The following NLK variants were observed in gnomAD, a reference collection of about 807,000 sequenced individuals.
NLK encodes the protein nemo like kinase, also known as serine/threonine-protein kinase NLK.
In NLK, 11 loss-of-function variants were observed where a neutral mutation model predicts 59.0. That is an observed-to-expected ratio of 0.19 (90% CI 0.12 to 0.31). The LOEUF (loss-of-function observed/expected upper bound fraction) is 0.31, where lower values mean the gene tolerates loss of function less well. Ranked by LOEUF, NLK falls within the 10% of genes least tolerant of loss-of-function variation. The pLI is 1.00. For synonymous variants in NLK, 235 were observed against 235.9 expected, an observed-to-expected ratio of 1.00 and a Z score of 0.03; for missense variants, 410 against 661.1, an observed-to-expected ratio of 0.62 and a Z score of 4.16.
chr17:28,196,814 A>T (rs1348229639), downstream of NLK, among the ~76,000 whole-genome samples: 1 of 152,200 alleles, frequency 6.6e-6, no homozygotes, highest in Non-Finnish European at 1.5e-5. Context: ...GCTAAGGAAG[A>T]AGTCCCAGCC....
intron 1 of NLK, among the ~76,000 whole-genome samples, chr17:28,085,459 G>A (rs1223206062): frequency 1.3e-5 from 2 of 152,192 alleles, no homozygotes; most frequent in Non-Finnish European, 2.9e-5. Context: ...AGAGCTGAAG[G>A]CTGGGCATGG....
intron 1 of NLK, among the ~76,000 whole-genome samples, chr17:28,109,625 T>A (rs1302491711): frequency 6.6e-6 from 1 of 152,224 alleles, no homozygotes; most frequent in Non-Finnish European, 1.5e-5. Context: ...TAGTCTTTTG[T>A]GTTTGGCTTC....
intron 1 of NLK, among the ~76,000 whole-genome samples, chr17:28,063,312 T>C (rs1226427604): frequency 6.6e-6 from 1 of 152,324 alleles, no homozygotes; most frequent in African/African-American, 2.4e-5. Context: ...GAGAACATCT[T>C]AACCTCAAAT....
chr17:28,117,564 C>A (rs1251934792), intron 1 of NLK, among the ~76,000 whole-genome samples: 1 of 152,110 alleles, frequency 6.6e-6, no homozygotes, highest in African/African-American at 2.4e-5. Context: ...TTAACTCTTT[C>A]AGTCAAATAT....
chr17:28,137,484 A>G (rs181564125), intron 3 of NLK, among the ~76,000 whole-genome samples: 3 of 152,278 alleles, frequency 2.0e-5, no homozygotes, highest in East Asian at 3.9e-4. Context: ...TGGGATATAT[A>G]TCACATATTC....
chr17:28,076,549 A>C (rs1910164125), intron 1 of NLK, among the ~76,000 whole-genome samples: 1 of 152,224 alleles, frequency 6.6e-6, no homozygotes, highest in African/African-American at 2.4e-5. Context: ...ATTCAGTCCA[A>C]AGCAGTTCCT....
rs962943672 is a variant in NLK, at chr17:28,056,742, C to G, written c.458+13411C>G. On this transcript the variant is annotated intron_variant, in intron 1 of 10. Transcript: ENST00000407008. ...CATTCTTCCACCTATTTTTTGAAAA[C>G]TTTTAAACCTCAGGAAATTTGAAAG... Among the ~76,000 whole-genome samples the G allele has an allele frequency of 3.3e-5, 5 of 152,020 alleles. 1 individual carries two copies. Among genetic ancestry groups the G allele is most frequent in the Admixed American group, 1.3e-4 (2 of 15,254 alleles).
At chr17:28,169,141 C>T (rs1908361283) in intron 6 of NLK, among the ~76,000 whole-genome samples, 1 of 152,180 alleles carries the variant, frequency 6.6e-6, no homozygotes, top group Non-Finnish European at 1.5e-5. Flanking sequence ...CTGCCTCAGC[C>T]TCCCAAAGTG....
At chr17:28,169,889 C>T (rs1335327358) in intron 6 of NLK, among the ~76,000 whole-genome samples, 1 of 151,974 alleles carries the variant, frequency 6.6e-6, no homozygotes, top group Non-Finnish European at 1.5e-5. Flanking sequence ...AATAAGACAG[C>T]ATTGTTCTTA....
chr17:28,144,925 T>C (rs1187308987), intron 3 of NLK, among the ~76,000 whole-genome samples: 1 of 152,224 alleles, frequency 6.6e-6, no homozygotes, highest in Non-Finnish European at 1.5e-5. Flanking sequence ...CTCAGGAAAC[T>C]TAATAGACCT....
chr17:28,163,580 A>G lies in NLK; in HGVS notation c.789A>G (p.Arg263=), dbSNP rs1172822557. The change falls in exon 5 of 11, where the codon CGA becomes CGG. Residue 263 remains arginine, a synonymous_variant. Coordinates refer to ENST00000407008, the MANE Select transcript of NLK (RefSeq NM_016231.5). The part of the protein sequence containing the change: ...KYLHSAGILH[R]DIKPGNLLVN... Reference sequence around the variant, plus strand: ...TCCATTCAGCTGGCATTTTACATCGAGACATTAAGCCAGGGAATCTCCTTG... The same window carrying G: ...TCCATTCAGCTGGCATTTTACATCGGGACATTAAGCCAGGGAATCTCCTTG... The G allele has an allele frequency of 6.2e-7, 1 of 1,609,326 alleles. No individual in the cohort carries two copies. Among genetic ancestry groups the G allele is most frequent in the South Asian group, 1.1e-5 (1 of 90,332 alleles).
chr17:28,101,053 T>A (rs1436564346), intron 1 of NLK, among the ~76,000 whole-genome samples: 2 of 152,212 alleles, frequency 1.3e-5, no homozygotes, highest in Non-Finnish European at 2.9e-5. Flanking sequence ...TTTTGTTCTG[T>A]TGAATTACCT....
At chr17:28,060,661 C>T (rs989320545) in intron 1 of NLK, among the ~76,000 whole-genome samples, 10 of 152,116 alleles carry the variant, frequency 6.6e-5, no homozygotes, top group Non-Finnish European at 2.9e-5. Context: ...AGAAGAAATA[C>T]AAATTGTTAA....
chr17:28,077,929 GCTT>G (rs1910221852), intron 1 of NLK, among the ~76,000 whole-genome samples: 1 of 152,072 alleles, frequency 6.6e-6, no homozygotes, highest in African/African-American at 2.4e-5. Flanking sequence ...AGAAAGTTCT[GCTT>G]CTTTCTCAAG....
At chr17:28,112,101 A>G (rs1418850604) in intron 1 of NLK, among the ~76,000 whole-genome samples, 1 of 152,068 alleles carries the variant, frequency 6.6e-6, no homozygotes, top group Non-Finnish European at 1.5e-5. Context: ...ATATTCAGCC[A>G]TCAGTTAGCC....
chr17:28,122,965 T>G (rs553020969), intron 2 of NLK, among the ~76,000 whole-genome samples: 43 of 152,312 alleles, frequency 2.8e-4, no homozygotes, highest in African/African-American at 1.0e-3. Flanking sequence ...CACACACGTT[T>G]TCTAAGCTGT....
At chr17:28,160,974 G>A (rs1316201271) in intron 3 of NLK, among the ~76,000 whole-genome samples, 186 bp from the exon 4 acceptor site, 1 of 152,170 alleles carries the variant, frequency 6.6e-6, no homozygotes, top group African/African-American at 2.4e-5. Context: ...TTTTAAACAT[G>A]TAAGTTCTTT....
intron 1 of NLK, among the ~76,000 whole-genome samples, chr17:28,091,429 G>A (rs911945413): frequency 3.3e-5 from 5 of 151,266 alleles, no homozygotes; most frequent in South Asian, 2.1e-4. Context: ...AGTACACAGC[G>A]TTTAATTTCT....
chr17:28,086,208 A>G (rs985859628), intron 1 of NLK, among the ~76,000 whole-genome samples: 10 of 152,156 alleles, frequency 6.6e-5, no homozygotes, highest in African/African-American at 1.9e-4. Flanking sequence ...TGTTTCATCT[A>G]TCTCCCAGTT....
Sources: gnomAD v4.1 joint callset for allele counts (sites outside exome capture counted in the v4.1 genomes callset) on GRCh38, gnomAD v4.1.1 for gene constraint, MANE v1.5 for transcripts, NCBI Gene and HGNC (gene_info 2026-07-23, HGNC 2026-07-21) for gene names.